Variants in HACE1 observed in about 807,000 individuals in gnomAD.
HACE1 encodes E3 ubiquitin-protein ligase HACE1.
HACE1 carries 73 observed loss-of-function variants against 118.4 expected under a neutral mutation model. That is an observed-to-expected ratio of 0.62 (90% CI 0.51 to 0.75). HACE1 has a LOEUF of 0.75. Ranked by LOEUF, HACE1 falls within the 30% of genes least tolerant of loss-of-function variation. The pLI is 0.00. For missense variants in HACE1, 749 were observed against 1,102.2 expected (o/e 0.68, Z 4.54); for synonymous variants, 368 against 374.8 (o/e 0.98, Z 0.21).
chr6:104,780,540 C>T (rs1055985124), intron 14 of HACE1: 6 of 282,902 alleles, frequency 2.1e-5, no homozygotes, highest in African/African-American at 1.3e-4. Context: ...GGACAATCTC[C>T]AAGTTACAGA....
At chr6:104,817,430 G>A (rs1286897479) in intron 6 of HACE1, among the ~76,000 whole-genome samples, 2 of 152,158 alleles carry the variant, frequency 1.3e-5, no homozygotes, top group Admixed American at 6.5e-5. Flanking sequence ...ATGTGAAGAA[G>A]CTGTCTGATT....
At chr6:104,742,743 A>T (rs917218328) in intron 22 of HACE1, among the ~76,000 whole-genome samples, 3 of 151,920 alleles carry the variant, frequency 2.0e-5, no homozygotes, top group Non-Finnish European at 2.9e-5. Context: ...CCATTGTGGA[A>T]GTCAGTGTGG....
At chr6:104,755,218 TCAA>T (rs1778453732) in intron 19 of HACE1, among the ~76,000 whole-genome samples, 1 of 152,060 alleles carries the variant, frequency 6.6e-6, no homozygotes, top group Admixed American at 6.6e-5. Context: ...AAGGTTCAAT[TCAA>T]CAAGAAGTGC....
At chr6:104,823,672 G>T (rs1413009288) in intron 6 of HACE1, among the ~76,000 whole-genome samples, 1 of 150,712 alleles carries the variant, frequency 6.6e-6, no homozygotes, top group African/African-American at 2.4e-5. Flanking sequence ...CTTAGAATTA[G>T]GATAAAAATG....
intron 6 of HACE1, among the ~76,000 whole-genome samples, chr6:104,826,469 C>T (rs1020771012): frequency 6.6e-6 from 1 of 152,124 alleles, no homozygotes; most frequent in Non-Finnish European, 1.5e-5. Flanking sequence ...AAATTTCTTG[C>T]CCCTAAAATC....
chr6:104,791,694 A>T, intron 10 of HACE1, 40 bp from the exon 11 acceptor site: 1 of 1,296,104 alleles, frequency 7.7e-7, no homozygotes, highest in Non-Finnish European at 1.1e-6. Flanking sequence ...GAGTAAAACA[A>T]ATTACATATT....
At position 104,800,578 on chromosome 6, in the gene HACE1, AG is replaced by A. The variant is rs1208401602; in HGVS notation, c.618-3554del. On this transcript the variant is annotated intron_variant, in intron 7 of 23. Transcript: ENST00000262903. The stretch of plus-strand genomic sequence containing the variant: ...CTCTGCTGGTGATACCCAGGCAAAC[AG>A]GGTCTGGAATGGACCTCCAGGAAAC... Among the ~76,000 whole-genome samples, 15 of 152,344 alleles carry A rather than the reference AG, an allele frequency of 9.8e-5. No homozygotes were observed. In the East Asian group the frequency reaches 2.9e-3, roughly 29 times the overall value.
At chr6:104,757,137 C>T (rs1412616270) in intron 19 of HACE1, among the ~76,000 whole-genome samples, 3 of 152,172 alleles carry the variant, frequency 2.0e-5, no homozygotes, top group Non-Finnish European at 4.4e-5. Flanking sequence ...AGGGGCAGGA[C>T]GTACCTGAAC....
At chr6:104,751,000 C>T (rs1038550971) in intron 19 of HACE1, among the ~76,000 whole-genome samples, 2 of 152,298 alleles carry the variant, frequency 1.3e-5, no homozygotes, top group African/African-American at 4.8e-5. Flanking sequence ...GAGTAACATC[C>T]AAATTCCTTT....
chr6:104,824,299 G>T (rs1011504116), intron 6 of HACE1, among the ~76,000 whole-genome samples: 1 of 152,264 alleles, frequency 6.6e-6, no homozygotes, highest in Non-Finnish European at 1.5e-5. Flanking sequence ...ACACACATAC[G>T]ATATTGAGAT....
At chr6:104,825,314 C>T (rs1430089763) in intron 6 of HACE1, among the ~76,000 whole-genome samples, 1 of 152,092 alleles carries the variant, frequency 6.6e-6, no homozygotes, top group Admixed American at 6.5e-5. Context: ...CTTTGCGAGG[C>T]AGATGGGAAA....
chr6:104,773,180 A>C (rs534088441), intron 17 of HACE1, among the ~76,000 whole-genome samples: 53 of 152,350 alleles, frequency 3.5e-4, no homozygotes, highest in African/African-American at 1.3e-3. Context: ...TCCATTCAAC[A>C]AACACATAAT....
chr6:104,733,838 C>G (rs1300689899), intron 22 of HACE1, among the ~76,000 whole-genome samples: 1 of 142,830 alleles, frequency 7.0e-6, no homozygotes, highest in South Asian at 2.2e-4. Context: ...GACTTCATCT[C>G]AAAAAAAAAA....
intron 6 of HACE1, among the ~76,000 whole-genome samples, chr6:104,819,028 G>GTT (rs1457820456): frequency 1.3e-5 from 2 of 152,158 alleles, no homozygotes; most frequent in Non-Finnish European, 2.9e-5. Flanking sequence ...AGTATTGGAG[G>GTT]TTCTGGCCAG....
At chr6:104,796,283 G>C (rs1769614994) in intron 9 of HACE1, among the ~76,000 whole-genome samples, 2 of 151,768 alleles carry the variant, frequency 1.3e-5, no homozygotes, top group Non-Finnish European at 2.9e-5. Context: ...GCTAATTTTT[G>C]TAATTTGTTT....
chr6:104,744,190 C>G lies in HACE1; in HGVS notation c.2483G>C (p.Arg828Thr). 2.5e-6 allele frequency: 4 copies of G among 1,602,950 alleles called. No individual in the cohort carries two copies. The highest frequency in any genetic ancestry group is 3.4e-6 in the Non-Finnish European group (4 of 1,170,292). Reference sequence around the variant, plus strand: ...CGTAACAAACTGTAAGAGAAGAACTCTCTCCTCTTGAGTAATGTCTTCTAC... The same window carrying G: ...CGTAACAAACTGTAAGAGAAGAACTGTCTCCTCTTGAGTAATGTCTTCTAC... ...EVVEDITQEE[R>T]VLLLQFVTGS... Residue 828 changes from arginine (R) to threonine (T), a missense_variant, in exon 22 of 24, where the codon AGA becomes ACA. Around this residue, in one of 5 missense-constraint regions of HACE1, gnomAD observed 165 missense variants for 229.9 expected, o/e 0.72. Coordinates refer to ENST00000262903, the MANE Select transcript of HACE1 (RefSeq NM_020771.4).
At chr6:104,750,268 A>G (rs2114560788) in intron 20 of HACE1, 73 bp downstream of exon 20, 1 of 1,254,878 alleles carries the variant, frequency 8.0e-7, no homozygotes. Flanking sequence ...ATACTCCACA[A>G]TTATTTCTGA....
chr6:104,776,148 A>C (rs2114741564), intron 17 of HACE1, among the ~76,000 whole-genome samples: 1 of 152,336 alleles, frequency 6.6e-6, no homozygotes, highest in Admixed American at 6.5e-5. Flanking sequence ...TGGTTCAATA[A>C]GAGCTTTATA....
At chr6:104,840,222 T>C (rs578197730) in intron 5 of HACE1, among the ~76,000 whole-genome samples, 3 of 152,174 alleles carry the variant, frequency 2.0e-5, no homozygotes, top group Non-Finnish European at 4.4e-5. Flanking sequence ...AATCATTAAC[T>C]ACAGGGAAAA....
Sources: allele counts gnomAD v4.1 joint callset (sites outside exome capture counted in the v4.1 genomes callset), GRCh38; gene constraint gnomAD v4.1.1; regional missense constraint gnomAD v4.1.1; transcripts MANE v1.5; gene names NCBI Gene and HGNC (gene_info 2026-07-23, HGNC 2026-07-21).